TFB1M: variants seen among roughly 807,000 people sequenced by gnomAD.
The protein encoded by TFB1M is dimethyladenosine transferase 1, mitochondrial.
TFB1M carries 27 observed loss-of-function variants against 31.1 expected under a neutral mutation model. The observed-to-expected ratio is 0.87, with a 90% CI of 0.64 to 1.20. The LOEUF is 1.20. Among genes scored for constraint, TFB1M ranks in the 50% most tolerant of loss-of-function variants. The pLI is 0.00. For missense variants in TFB1M, 394 were observed against 418.7 expected (o/e 0.94, Z 0.51); for synonymous variants, 166 against 151.8 (o/e 1.09, Z -0.69).
downstream of TFB1M, chr6:155,251,815 T>A (rs979663762): frequency 1.4e-6 from 1 of 702,062 alleles, no homozygotes; most frequent in Non-Finnish European, 2.5e-6. Flanking sequence ...TATTCACTCA[T>A]GTTGGCAGAG....
At chr6:155,286,637 ATGTGTG>A (rs199975323) in intron 4 of TFB1M, among the ~76,000 whole-genome samples, 4 of 131,890 alleles carry the variant, frequency 3.0e-5, no homozygotes, top group African/African-American at 5.5e-5. Context: ...GTGTGCATAT[ATGTGTG>A]TGTGTGTATA....
rs1159192342 is a variant in TFB1M at position 155,258,188 on chromosome 6, T to TACTG, written c.795-110_795-107dup. On this transcript the variant is annotated intron_variant, in intron 6 of 6. Transcript: ENST00000367166. ...AAAACAACACAACACAGTTGCTGGC[T>TACTG]ACTGACAGCTGGAGAGAGTGGCAGG... The TACTG allele has an allele frequency of 2.4e-5, 32 of 1,344,928 alleles. No individual in the cohort carries two copies. The African/African-American group carries it at 2.9e-4, about 12-fold the overall frequency. 83.3% of individuals were successfully genotyped at this position (1,344,928 alleles called of 1,614,324 possible).
intron 6 of TFB1M, 43 bp from the exon 7 acceptor site, chr6:155,258,125 A>T (rs1448766235): frequency 1.2e-6 from 2 of 1,609,422 alleles, no homozygotes; most frequent in Non-Finnish European, 8.5e-7. Flanking sequence ...AATTTTACTT[A>T]AATTCTGCAA....
At chr6:155,286,128 AG>A in intron 4 of TFB1M, among the ~76,000 whole-genome samples, 1 of 152,334 alleles carries the variant, frequency 6.6e-6, no homozygotes, top group African/African-American at 2.4e-5. Context: ...GATGCGATGT[AG>A]CAACTGCTAA....
At chr6:155,296,407 C>A (rs9397802) in intron 4 of TFB1M, among the ~76,000 whole-genome samples, 19,260 of 150,964 alleles carry the variant, frequency 0.13, 1,527 homozygotes, top group Non-Finnish European at 0.19. Context: ...TTACAGGCAC[C>A]CCCCACCACA....
chr6:155,243,186 G>C, the TFB1M span, among the ~76,000 whole-genome samples: 2 of 152,154 alleles, frequency 1.3e-5, no homozygotes, highest in Admixed American at 6.5e-5. Flanking sequence ...CAGCTCTGTG[G>C]GAGTTTTTTA....
intron 5 of TFB1M, among the ~76,000 whole-genome samples, chr6:155,268,178 C>T (rs2114689237): frequency 6.6e-6 from 1 of 152,336 alleles, no homozygotes; most frequent in Non-Finnish European, 1.5e-5. Context: ...CCCATTACCA[C>T]AGCCTCCCAG....
At chr6:155,300,355 C>T (rs1279916963) in intron 2 of TFB1M, among the ~76,000 whole-genome samples, 1 of 152,146 alleles carries the variant, frequency 6.6e-6, no homozygotes. Context: ...TAAATTACCA[C>T]TAGTTAGTAA....
intron 4 of TFB1M, among the ~76,000 whole-genome samples, chr6:155,293,804 C>T (rs1294743681): frequency 1.3e-5 from 2 of 152,074 alleles, no homozygotes; most frequent in Non-Finnish European, 2.9e-5. Flanking sequence ...CCTTGATTCA[C>T]TCCCTGTTAT....
chr6:155,282,623 G>A (rs1414289339), intron 5 of TFB1M, among the ~76,000 whole-genome samples: 17 of 152,124 alleles, frequency 1.1e-4, no homozygotes, highest in Admixed American at 8.5e-4. Context: ...AATTATGTGC[G>A]TCTAGGACTT....
At chr6:155,240,378 G>T in the TFB1M span, 2 of 669,400 alleles carry the variant, frequency 3.0e-6, no homozygotes, top group Non-Finnish European at 4.7e-6. Flanking sequence ...GATAGCCAGA[G>T]GGGTTTGAGG....
chr6:155,286,045 C>T (rs917663575), intron 4 of TFB1M, among the ~76,000 whole-genome samples: 2 of 152,094 alleles, frequency 1.3e-5, no homozygotes, highest in African/African-American at 2.4e-5. Context: ...CAAATTGATG[C>T]AGGCCCAGAC....
intron 5 of TFB1M, among the ~76,000 whole-genome samples, chr6:155,272,751 C>G (rs1169286828): frequency 6.6e-6 from 1 of 152,106 alleles, no homozygotes; most frequent in Non-Finnish European, 1.5e-5. Context: ...CAATATTCAA[C>G]AGTAAGCAAG....
downstream of TFB1M, chr6:155,253,286 C>A: frequency 2.0e-6 from 1 of 506,150 alleles, no homozygotes; most frequent in Non-Finnish European, 3.5e-6. Flanking sequence ...CCTTATTTTC[C>A]CTATCAATAG....
intron 6 of TFB1M, among the ~76,000 whole-genome samples, chr6:155,259,234 G>A (rs543741236): frequency 3.9e-5 from 6 of 152,370 alleles, no homozygotes; most frequent in African/African-American, 1.2e-4. Context: ...TCACTCACCA[G>A]CAGTGCACAG....
At chr6:155,310,398 A>T (rs1035456952) in intron 2 of TFB1M, among the ~76,000 whole-genome samples, 6 of 152,200 alleles carry the variant, frequency 3.9e-5, no homozygotes, top group Non-Finnish European at 7.4e-5. Context: ...GTTTTAAAAA[A>T]AGTAAGTTCC....
chr6:155,314,259 TG>T, intron 1 of TFB1M, 36 bp downstream of exon 1: 1 of 1,610,792 alleles, frequency 6.2e-7, no homozygotes, highest in Middle Eastern at 1.7e-4. Context: ...CCACGGACAC[TG>T]GGGAGACATC....
intron 5 of TFB1M, among the ~76,000 whole-genome samples, chr6:155,270,042 A>T (rs1784851030): frequency 6.6e-6 from 1 of 152,228 alleles, no homozygotes. Flanking sequence ...TCAGAGGTGG[A>T]AGGTTCTTGT....
At position 155,314,419 on chromosome 6, in the gene TFB1M, A is replaced by G. The variant is rs764885356; in HGVS notation, c.10T>C (p.Ser4Pro). Residue 4 changes from serine to proline, a missense_variant, in exon 1 of 7, where the codon TCC becomes CCC. Around this residue, in one of 3 missense-constraint regions of TFB1M, gnomAD observed 273 missense variants for 256.4 expected, o/e 1.06. Transcript: ENST00000367166. ...AGACGGCAAGTGCTGAGTTTTCCGGAGGCAGCCATGATACGCGGCAAGCAC... is the reference window on the plus strand; with the variant it reads ...AGACGGCAAGTGCTGAGTTTTCCGGGGGCAGCCATGATACGCGGCAAGCAC... MAA[S>P]GKLSTCRLPP... 36 of 1,614,122 alleles carry G rather than the reference A, an allele frequency of 2.2e-5. No individual in the cohort carries two copies. The highest frequency in any genetic ancestry group is 8.8e-5 in the South Asian group (8 of 91,086).
Sources: allele counts gnomAD v4.1 joint callset (sites outside exome capture counted in the v4.1 genomes callset), GRCh38; gene constraint gnomAD v4.1.1; regional missense constraint gnomAD v4.1.1; transcripts MANE v1.5; gene names NCBI Gene and HGNC (gene_info 2026-07-23, HGNC 2026-07-21).